Variants in FBN3 observed in about 807,000 individuals in gnomAD.
FBN3 encodes the protein fibrillin-3.
In FBN3, 234 loss-of-function variants were observed where a neutral mutation model predicts 330.1. That is an observed-to-expected ratio of 0.71 (90% CI 0.64 to 0.79). The LOEUF is 0.79. FBN3 is among the 30% of genes least tolerant of loss of function. FBN3 has a pLI of 0.00. For missense variants in FBN3, 3,606 were observed against 3,886.9 expected (o/e 0.93, Z 1.92); for synonymous variants, 1,458 against 1,517.3 (o/e 0.96, Z 0.91).
chr19:8,098,294 G>A (rs1360313066), intron 41 of FBN3, among the ~76,000 whole-genome samples: 1 of 151,940 alleles, frequency 6.6e-6, no homozygotes, highest in African/African-American at 2.4e-5. Flanking sequence ...CATCAGTAGG[G>A]GACTGGAAAC....
intron 8 of FBN3, among the ~76,000 whole-genome samples, chr19:8,141,493 C>T (rs2083414671): frequency 6.6e-6 from 1 of 152,142 alleles, no homozygotes; most frequent in Admixed American, 6.6e-5. Context: ...CTGGCAAAAC[C>T]TTGGGAACAG....
At position 8,111,725 on chromosome 19, in the gene FBN3, C is replaced by T. The variant is rs760271806; in HGVS notation, c.4007G>A (p.Gly1336Asp). ...GGAGCCAGGGACATTGAGACAGTCA[C>T]CTCTTGGGCTGCACCGGTGCTCCTG... is the stretch of plus-strand genomic sequence containing the variant. ...VSQEHRCSPR[G>D]DCLNVPGSYR... The change falls in exon 32 of 64, where the codon GGT becomes GAT. Residue 1336 changes from glycine (G) to aspartate (D), a missense_variant. By Grantham distance (94) the Gly-to-Asp change is moderately conservative. Coordinates refer to ENST00000600128, the MANE Select transcript of FBN3 (RefSeq NM_032447.5). 3.7e-6 allele frequency: 6 copies of T among 1,612,490 alleles called. No homozygotes were observed. Among genetic ancestry groups the T allele is most frequent in the Non-Finnish European group, 5.1e-6 (6 of 1,178,978 alleles).
chr19:8,080,378 T>A (rs2081747935), intron 59 of FBN3, among the ~76,000 whole-genome samples: 1 of 152,156 alleles, frequency 6.6e-6, no homozygotes, highest in Non-Finnish European at 1.5e-5. Context: ...TTGAACTGAT[T>A]TCCTCCTGGG....
At chr19:8,069,487 T>G (rs1290890874) in intron 63 of FBN3, among the ~76,000 whole-genome samples, 1 of 91,162 alleles carries the variant, frequency 1.1e-5, no homozygotes, top group African/African-American at 5.1e-5. Context: ...CCCCAGCCCC[T>G]CAGTTCTGGA....
rs1290146240 is a variant in FBN3 at position 8,123,968 on chromosome 19, A to T, written c.2772T>A (p.Asp924Glu). 1 of 1,614,042 alleles carries T rather than the reference A, an allele frequency of 6.2e-7. No individual in the cohort carries two copies. ...LEPCFLRWDE[D>E]ECGVTLPGKY... Reference sequence around the variant, plus strand: ...TGCCAGGCAGGGTGACCCCACACTCATCCTCATCCCATCGCAGGAAACATG... The same window carrying T: ...TGCCAGGCAGGGTGACCCCACACTCTTCCTCATCCCATCGCAGGAAACATG... The change falls in exon 23 of 64, where the codon GAT (aspartate) becomes GAA (glutamate). Residue 924 changes from aspartate to glutamate, a missense_variant. Transcript: ENST00000600128.
Position 8,149,119 on chromosome 19 carries a change from C to T in FBN3, c.-18+330G>A, listed in dbSNP as rs1051318329. On this transcript the variant is annotated intron_variant, in intron 1 of 63. Transcript: ENST00000600128. The surrounding 1 kb of genome is among the most constrained non-coding windows in gnomAD (Gnocchi z 5.5). ...AACAGCGAGGGATACCAAGCTTCGC[C>T]GACGGGGAGGGGGCGCCCCCGGAGC... 7.2e-5 allele frequency among the ~76,000 whole-genome samples: 11 copies of T among 152,064 alleles called. No individual in the cohort carries two copies. Among genetic ancestry groups the T allele is most frequent in the Non-Finnish European group, 1.5e-4 (10 of 67,986 alleles).
intron 8 of FBN3, 95 bp from the exon 9 acceptor site, chr19:8,138,659 G>T: frequency 7.5e-7 from 1 of 1,329,090 alleles, no homozygotes; most frequent in Non-Finnish European, 1.0e-6. Context: ...CTGTAGGACG[G>T]GTCTGTTTGC....
rs2083490127 is a variant in FBN3 at position 8,144,588 on chromosome 19, C to T, written c.541+289G>A. Among the ~76,000 whole-genome samples the T allele has an allele frequency of 2.0e-5, 3 of 151,576 alleles. No individual in the cohort carries two copies. The Admixed American group carries it at 2.0e-4, about 10-fold the overall frequency. ...CCAACCCTTGTCTTAGCCTTGACACCCCCAGATAAGAATCTTCTGCTTGCA... is the reference window on the plus strand; with the variant it reads ...CCAACCCTTGTCTTAGCCTTGACACTCCCAGATAAGAATCTTCTGCTTGCA... On this transcript the variant is annotated intron_variant, in intron 6 of 63. Transcript: ENST00000600128.
In FBN3 at chr19:8,115,508, G is replaced by T. The variant is rs368557307; in HGVS notation, c.3838+7C>A. The T allele has an allele frequency of 6.2e-7, 1 of 1,613,386 alleles. No homozygotes were observed. Among genetic ancestry groups the T allele is most frequent in the Admixed American group, 1.7e-5 (1 of 60,002 alleles). The stretch of plus-strand genomic sequence containing the variant: ...CCCTCTGCCTGCACCGCTGACCGCC[G>T]GCTCACCAGAGCAGCCTGTGGCCCC... On this transcript the variant is annotated splice_region_variant and intron_variant, in intron 30 of 63. Transcript: ENST00000600128.
chr19:8,088,015 G>T, intron 52 of FBN3, 45 bp downstream of exon 52: 1 of 1,614,078 alleles, frequency 6.2e-7, no homozygotes, highest in Non-Finnish European at 8.5e-7. Flanking sequence ...CCTCCCCCAG[G>T]CATCTCCGTC....
chr19:8,097,207 T>C, intron 42 of FBN3, 82 bp downstream of exon 42: 1 of 1,531,282 alleles, frequency 6.5e-7, no homozygotes, highest in East Asian at 2.4e-5. Context: ...GCTTACAGAG[T>C]TTTAGTTACT....
chr19:8,081,269 G>T, intron 58 of FBN3, 89 bp downstream of exon 58: 1 of 1,508,826 alleles, frequency 6.6e-7, no homozygotes, highest in Non-Finnish European at 9.0e-7. Context: ...GGGAGGGGGT[G>T]AGATTGCAGG....
chr19:8,116,802 G>T lies in FBN3; in HGVS notation c.3587-3C>A. ...GTTCTCTTCACACTCGTCCACGTCT[G>T]GGGGAGCAGGGTTGGGGACTGTGCT... is the stretch of plus-strand genomic sequence containing the variant. On this transcript the variant is annotated splice_region_variant and splice_polypyrimidine_tract_variant and intron_variant, in intron 28 of 63. Transcript: ENST00000600128. The T allele has an allele frequency of 6.2e-7, 1 of 1,613,410 alleles. No homozygotes were observed. Among genetic ancestry groups the T allele is most frequent in the Non-Finnish European group, 8.5e-7 (1 of 1,179,604 alleles).
Position 8,102,762 on chromosome 19 carries a change from C to G in FBN3, c.5051G>C (p.Trp1684Ser). The G allele has an allele frequency of 6.2e-7, 1 of 1,614,064 alleles. No homozygotes were observed. Among genetic ancestry groups the G allele is most frequent in the South Asian group, 1.1e-5 (1 of 91,072 alleles). The change falls in exon 40 of 64, where the codon TGG becomes TCG. Residue 1684 changes from tryptophan (W) to serine (S), a missense_variant. Physicochemically the swap from Trp to Ser is radical, Grantham distance 177. Transcript: ENST00000600128. ...CCCSYNIGQAWNRPCEACPTP... is the reference protein window; with the variant it reads ...CCCSYNIGQASNRPCEACPTP... Reference sequence around the variant, plus strand: ...GGGGCAGGCCTCACAGGGTCTATTCCAGGCCTGGCCAATGTTGTAGGAGCA... The same window carrying G: ...GGGGCAGGCCTCACAGGGTCTATTCGAGGCCTGGCCAATGTTGTAGGAGCA...
intron 59 of FBN3, among the ~76,000 whole-genome samples, chr19:8,075,637 T>C (rs2081623493): frequency 6.6e-6 from 1 of 152,222 alleles, no homozygotes. Flanking sequence ...CTCGAAGCTG[T>C]GTGTCCTTGG....
At chr19:8,093,533 G>A (rs191087690) in intron 47 of FBN3, among the ~76,000 whole-genome samples, 1 of 152,326 alleles carries the variant, frequency 6.6e-6, no homozygotes, top group East Asian at 1.9e-4. Flanking sequence ...TGAGGCAGGA[G>A]AATGGCGTGA....
Position 8,094,510 on chromosome 19 carries a change from G to A in FBN3, c.5841C>T (p.Asn1947=). The A allele has an allele frequency of 3.1e-6, 5 of 1,614,016 alleles. No individual in the cohort carries two copies. The highest frequency in any genetic ancestry group is 4.2e-6 in the Non-Finnish European group (5 of 1,179,908). ...AGTCLPGTCQ[N]LEGSFRCICP... The stretch of plus-strand genomic sequence containing the variant: ...AGATGCAGCGGAAGGAGCCCTCGAG[G>A]TTCTGGCAAGTGCCGGGTAGGCAGG... The change falls in exon 47 of 64, where the codon AAC becomes AAT. Residue 1947 remains asparagine (N), a synonymous_variant. Coordinates refer to ENST00000600128, the MANE Select transcript of FBN3 (RefSeq NM_032447.5).
chr19:8,100,781 G>A (rs1053747617), intron 41 of FBN3, 120 bp downstream of exon 41: 2 of 755,048 alleles, frequency 2.6e-6, no homozygotes, highest in Non-Finnish European at 2.3e-6. Flanking sequence ...TGTGGAGCGA[G>A]GAGGAGGGGA....
chr19:8,103,331 C>T (rs1298615229), intron 39 of FBN3, among the ~76,000 whole-genome samples: 1 of 151,208 alleles, frequency 6.6e-6, no homozygotes, highest in African/African-American at 2.4e-5. Flanking sequence ...CCCCAACACA[C>T]TTGGGGGATC....
Sources: allele counts gnomAD v4.1 joint callset (sites outside exome capture counted in the v4.1 genomes callset), GRCh38; gene constraint gnomAD v4.1.1; non-coding constraint Gnocchi (gnomAD v3.1); transcripts MANE v1.5; gene names NCBI Gene and HGNC (gene_info 2026-07-23, HGNC 2026-07-21).